Variants in NECTIN3 observed in about 807,000 individuals in gnomAD.
NECTIN3 encodes the protein nectin cell adhesion molecule 3.
In NECTIN3, 8 loss-of-function variants were observed where a neutral mutation model predicts 49.4. That is an observed-to-expected ratio of 0.16 (90% CI 0.10 to 0.29). The LOEUF is 0.29. Ranked by LOEUF, NECTIN3 falls within the 10% of genes least tolerant of loss-of-function variation. The pLI, the probability that NECTIN3 is intolerant of heterozygous loss-of-function variation, is 1.00. For missense variants in NECTIN3, 581 were observed against 654.6 expected (o/e 0.89, Z 1.23); for synonymous variants, 277 against 241.1 (o/e 1.15, Z -1.38).
chr3:111,158,779 G>T (rs1299679554), intron 7 of NECTIN3, among the ~76,000 whole-genome samples: 1 of 152,038 alleles, frequency 6.6e-6, no homozygotes, highest in Non-Finnish European at 1.5e-5. Flanking sequence ...ATAGGTCTTT[G>T]AAAGACACCA....
At chr3:111,130,117 C>A (rs2034331937) in intron 5 of NECTIN3, among the ~76,000 whole-genome samples, 2 of 152,088 alleles carry the variant, frequency 1.3e-5, no homozygotes, top group Admixed American at 1.3e-4. Flanking sequence ...CCACTACGCC[C>A]AGCTAATTTT....
At chr3:111,146,881 T>C (rs138747580) in intron 6 of NECTIN3, among the ~76,000 whole-genome samples, 34 of 152,288 alleles carry the variant, frequency 2.2e-4, no homozygotes, top group Non-Finnish European at 4.6e-4. Flanking sequence ...AATAAATGTG[T>C]TCCCTAAAAA....
intron 1 of NECTIN3, among the ~76,000 whole-genome samples, chr3:111,083,831 C>A (rs1027105978): frequency 6.6e-6 from 1 of 152,196 alleles, no homozygotes; most frequent in Non-Finnish European, 1.5e-5. Flanking sequence ...AAGGTCATTA[C>A]CTGCTGTCTC....
chr3:111,099,359 G>A (rs1238331242), intron 1 of NECTIN3, among the ~76,000 whole-genome samples: 1 of 152,032 alleles, frequency 6.6e-6, no homozygotes, highest in East Asian at 1.9e-4. Context: ...CAAGTATTGT[G>A]GTAAAATTAT....
intron 7 of NECTIN3, among the ~76,000 whole-genome samples, chr3:111,170,727 G>A (rs916751078): frequency 1.1e-4 from 17 of 152,182 alleles, no homozygotes; most frequent in African/African-American, 4.1e-4. Context: ...CATTACCTGG[G>A]AGGTAGTGGA....
intron 1 of NECTIN3, among the ~76,000 whole-genome samples, chr3:111,193,977 T>C (rs2035860184): frequency 6.6e-6 from 1 of 152,184 alleles, no homozygotes; most frequent in East Asian, 1.9e-4. Flanking sequence ...ACCTTTGTGT[T>C]ATTATGATAT....
Position 111,163,249 on chromosome 3 carries a change from T to C in NECTIN3, c.1221+15765T>C, listed in dbSNP as rs79712466. On this transcript the variant is annotated intron_variant, in intron 7 of 8. Transcript: ENST00000493615. The stretch of plus-strand genomic sequence containing the variant: ...GTAGCTTCCTACTAGCTAGACTTCT[T>C]ACATGGTAGCTCAGGACTCCTGAGG... Among the ~76,000 whole-genome samples the C allele has an allele frequency of 1.4e-3, 214 of 152,310 alleles. 1 individual carries two copies. The highest frequency in any genetic ancestry group is 5.0e-3 in the African/African-American group (210 of 41,586).
chr3:111,181,104 A>G (rs2035620077), intron 7 of NECTIN3, among the ~76,000 whole-genome samples: 1 of 152,290 alleles, frequency 6.6e-6, no homozygotes, highest in Middle Eastern at 3.4e-3. Flanking sequence ...CACCATCAGT[A>G]TCACCACTAC....
intron 1 of NECTIN3, among the ~76,000 whole-genome samples, chr3:111,105,789 G>A (rs75438797): frequency 0.013 from 2,044 of 152,176 alleles, 50 homozygotes; most frequent in African/African-American, 0.047. Flanking sequence ...GCTTCACTTC[G>A]TCTACTGCCT....
In NECTIN3 at chr3:111,158,971, A is replaced by G. The variant is rs556239436; in HGVS notation, c.1221+11487A>G. 3.3e-5 allele frequency among the ~76,000 whole-genome samples: 5 copies of G among 152,304 alleles called. No homozygotes were observed. The South Asian group carries it at 1.0e-3, about 32-fold the overall frequency. ...AAATGTACTAATGGCCAATAAGCAC[A>G]TGAAAAGATACTCAACATTACTAGT... On this transcript the variant is annotated intron_variant, in intron 7 of 8. Transcript: ENST00000493615.
chr3:111,183,995 G>T (rs1030621588), intron 7 of NECTIN3, among the ~76,000 whole-genome samples: 14 of 152,026 alleles, frequency 9.2e-5, no homozygotes, highest in African/African-American at 3.1e-4. Context: ...TAGATTTTTT[G>T]ATATTATCTC....
At chr3:111,118,416 A>G (rs143574585) in intron 2 of NECTIN3, among the ~76,000 whole-genome samples, 5 of 151,614 alleles carry the variant, frequency 3.3e-5, no homozygotes, top group Non-Finnish European at 7.4e-5. Flanking sequence ...AGGAATGTAT[A>G]TCTTTATCAG....
intron 1 of NECTIN3, chr3:111,072,394 C>G: frequency 6.6e-7 from 1 of 1,513,220 alleles, no homozygotes; most frequent in African/African-American, 1.4e-5. Context: ...CTGCCCTCCC[C>G]CGCGGCCGCG....
chr3:111,174,524 T>C (rs766541535), intron 7 of NECTIN3, among the ~76,000 whole-genome samples: 4 of 152,086 alleles, frequency 2.6e-5, no homozygotes, highest in Non-Finnish European at 4.4e-5. Context: ...CCAAAACACA[T>C]CTGGTCCTAA....
At chr3:111,081,871 G>A (rs1267608014) in intron 1 of NECTIN3, among the ~76,000 whole-genome samples, 1 of 152,164 alleles carries the variant, frequency 6.6e-6, no homozygotes, top group Non-Finnish European at 1.5e-5. Context: ...CTTTGCTGAG[G>A]CGATTAGACT....
Position 111,126,215 on chromosome 3 carries a change from G to A in NECTIN3, c.949G>A (p.Ala317Thr). The change falls in exon 5 of 6, where the codon GCT becomes ACT. Residue 317 changes from alanine (A) to threonine (T), a missense_variant. Physicochemically the swap from Ala to Thr is moderately conservative, Grantham distance 58. Coordinates refer to ENST00000485303, the MANE Select transcript of NECTIN3 (RefSeq NM_015480.3). Reference protein sequence around the residue: ...LDGQWPDGLLASDNTLHFVHP... With the variant: ...LDGQWPDGLLTSDNTLHFVHP... ...TGGACAATGGCCTGATGGTTTATTG[G>A]CTTCAGACAATACTCTTCATTTTGT... 6.2e-7 allele frequency: 1 copy of A among 1,603,398 alleles called. No individual in the cohort carries two copies. The highest frequency in any genetic ancestry group is 8.5e-7 in the Non-Finnish European group (1 of 1,176,650).
upstream of NECTIN3, among the ~76,000 whole-genome samples, chr3:111,191,505 G>T (rs900710538): frequency 3.3e-5 from 5 of 151,868 alleles, no homozygotes; most frequent in African/African-American, 1.2e-4. Flanking sequence ...AAGTCTGAAG[G>T]GTAAGTCATG....
chr3:111,142,744 A>T (rs2034779246), intron 5 of NECTIN3, among the ~76,000 whole-genome samples: 1 of 149,932 alleles, frequency 6.7e-6, no homozygotes, highest in African/African-American at 2.5e-5. Flanking sequence ...CTAGATTGAG[A>T]ATCTTAATTT....
intron 7 of NECTIN3, among the ~76,000 whole-genome samples, chr3:111,177,498 T>A (rs1486828645): frequency 6.6e-6 from 1 of 152,164 alleles, no homozygotes; most frequent in East Asian, 1.9e-4. Context: ...TGAGAACACA[T>A]CTTTTAAGAT....
Sources: gnomAD v4.1 joint callset for allele counts (sites outside exome capture counted in the v4.1 genomes callset) on GRCh38, gnomAD v4.1.1 for gene constraint, MANE v1.5 for transcripts, NCBI Gene and HGNC (gene_info 2026-07-23, HGNC 2026-07-21) for gene names.